Variants in TRAK1 observed in about 807,000 individuals in gnomAD.
The protein encoded by TRAK1 is trafficking kinesin-binding protein 1.
In TRAK1, 33 loss-of-function variants were observed where a neutral mutation model predicts 92.1. The ratio of observed to expected loss-of-function variants is 0.36; its 90% CI spans 0.27 to 0.48. The LOEUF is 0.48. Among genes scored for constraint, TRAK1 ranks in the 20% least tolerant of loss-of-function variants. TRAK1 has a pLI of 0.99. For synonymous variants in TRAK1, 521 were observed against 517.3 expected (o/e 1.01, Z -0.10); for missense variants, 1,123 against 1,257.9 (o/e 0.89, Z 1.62).
upstream of TRAK1, chr3:42,091,163 A>G (rs548115839): frequency 4.8e-4 from 156 of 325,302 alleles, no homozygotes; most frequent in African/African-American, 3.1e-3. Flanking sequence ...CCGAATGCCC[A>G]TCACAAAGCC....
chr3:42,098,495 A>T (rs1201759470), intron 1 of TRAK1, among the ~76,000 whole-genome samples: 1 of 152,098 alleles, frequency 6.6e-6, no homozygotes, highest in Non-Finnish European at 1.5e-5. Context: ...AGAGGTGAGG[A>T]TATCAATAAC....
intron 1 of TRAK1, among the ~76,000 whole-genome samples, chr3:42,057,919 G>C (rs1049889074): frequency 1.3e-5 from 2 of 152,206 alleles, no homozygotes; most frequent in Non-Finnish European, 2.9e-5. Flanking sequence ...CAACTGAAAG[G>C]CGTTTTCATT....
intron 2 of TRAK1, chr3:42,160,396 G>C: frequency 6.2e-7 from 1 of 1,614,234 alleles, no homozygotes; most frequent in South Asian, 1.1e-5. Flanking sequence ...GAAGAAGAAT[G>C]TTTTGAATAC....
intron 1 of TRAK1, among the ~76,000 whole-genome samples, chr3:42,046,596 A>C (rs1041058252): frequency 6.6e-6 from 1 of 152,190 alleles, no homozygotes; most frequent in Non-Finnish European, 1.5e-5. Flanking sequence ...TGACTTTAGT[A>C]TCCCCACTGC....
chr3:42,025,569 A>G (rs1306874973), intron 1 of TRAK1, among the ~76,000 whole-genome samples: 5 of 151,834 alleles, frequency 3.3e-5, no homozygotes, highest in Non-Finnish European at 7.4e-5. Flanking sequence ...GAAAAGAAGA[A>G]TGTGTCTGTT....
chr3:42,157,457 CAAAAAAAAAAAAAAAA>C (rs60622565), intron 2 of TRAK1, among the ~76,000 whole-genome samples: 18 of 31,108 alleles, frequency 5.8e-4, no homozygotes, highest in South Asian at 7.4e-3. Context: ...GACCCTGTCT[CAAAAAAAAAAAAAAAA>C]AAAAAAAAAA....
intron 3 of TRAK1, among the ~76,000 whole-genome samples, chr3:42,180,671 C>G (rs753551541): frequency 2.5e-4 from 30 of 121,876 alleles, no homozygotes; most frequent in Non-Finnish European, 2.8e-4. Flanking sequence ...AGAGTGAGAC[C>G]TGTCTCAAAA....
chr3:42,174,128 G>A (rs1313341517), intron 2 of TRAK1, among the ~76,000 whole-genome samples: 4 of 152,124 alleles, frequency 2.6e-5, no homozygotes, highest in Non-Finnish European at 5.9e-5. Flanking sequence ...CCGGGTCCAA[G>A]CAATTCTCCT....
chr3:42,201,069 A>T lies in TRAK1; in HGVS notation c.1427+15A>T. The stretch of plus-strand genomic sequence containing the variant: ...GCCGACCTGGGGTGAGCAAGCTGGG[A>T]GTTTTCACTTCTCTGTTTTGGGGTG... On this transcript the variant is annotated intron_variant, in intron 12 of 15. Transcript: ENST00000327628. 1 of 1,612,834 alleles carries T rather than the reference A, an allele frequency of 6.2e-7. No individual in the cohort carries two copies. The highest frequency in any genetic ancestry group is 1.1e-5 in the South Asian group (1 of 91,052).
chr3:42,134,578 CTTTTTTTTT>C (rs547455969), intron 2 of TRAK1, among the ~76,000 whole-genome samples: 12 of 76,454 alleles, frequency 1.6e-4, no homozygotes, highest in South Asian at 1.2e-3. Flanking sequence ...TGCCTGGTCT[CTTTTTTTTT>C]TTTTTTTTTT....
At chr3:42,198,767 T>G (rs932229093) in intron 10 of TRAK1, among the ~76,000 whole-genome samples, 2 of 152,074 alleles carry the variant, frequency 1.3e-5, no homozygotes, top group Non-Finnish European at 1.5e-5. Context: ...ATGGGCTCTG[T>G]TGCCATATCT....
intron 1 of TRAK1, among the ~76,000 whole-genome samples, chr3:42,076,041 A>G (rs1274169718): frequency 2.0e-5 from 3 of 151,314 alleles, no homozygotes; most frequent in Non-Finnish European, 4.4e-5. Flanking sequence ...ATGGGGTTTC[A>G]TGATGTTGGC....
At chr3:42,061,938 C>T (rs899103375) in intron 1 of TRAK1, among the ~76,000 whole-genome samples, 1 of 152,182 alleles carries the variant, frequency 6.6e-6, no homozygotes, top group East Asian at 1.9e-4. Flanking sequence ...AGGGAAACCA[C>T]GCCCTTCTAG....
At chr3:42,055,521 G>GGT (rs1046013968) in intron 1 of TRAK1, among the ~76,000 whole-genome samples, 13 of 152,192 alleles carry the variant, frequency 8.5e-5, no homozygotes, top group Admixed American at 6.5e-4. Flanking sequence ...GGAATGCAAT[G>GGT]GTGTGATCAT....
rs1283025188 is a variant in TRAK1 at position 42,224,030 on chromosome 3, A to G, written c.*293A>G. Reference sequence around the variant, plus strand: ...ACGTCACCTGTGCTAACCTGGGGGAAGGTGGGGTCCTTTCTTCTTTCCTTT... The same window carrying G: ...ACGTCACCTGTGCTAACCTGGGGGAGGGTGGGGTCCTTTCTTCTTTCCTTT... On this transcript the variant is annotated 3_prime_UTR_variant, in exon 16 of 16. Transcript: ENST00000327628. 1.7e-6 allele frequency: 1 copy of G among 581,078 alleles called. No individual in the cohort carries two copies. The highest frequency in any genetic ancestry group is 3.2e-6 in the Non-Finnish European group (1 of 308,192). 36.0% of individuals were successfully genotyped at this position (581,078 alleles called of 1,614,324 possible). A position where few individuals can be genotyped will look rare whatever the true frequency, so the allele number is the denominator to read the frequency against.
At chr3:42,032,222 G>C (rs1310104443) in intron 1 of TRAK1, among the ~76,000 whole-genome samples, 7 of 152,182 alleles carry the variant, frequency 4.6e-5, no homozygotes, top group Non-Finnish European at 7.3e-5. Flanking sequence ...AAATCATGCT[G>C]CTTTCTGGTG....
intron 2 of TRAK1, among the ~76,000 whole-genome samples, chr3:42,169,718 A>G (rs1702315256): frequency 6.6e-6 from 1 of 151,884 alleles, no homozygotes; most frequent in Non-Finnish European, 1.5e-5. Flanking sequence ...TACTCTCAGC[A>G]CTGTATCTGG....
intron 10 of TRAK1, among the ~76,000 whole-genome samples, chr3:42,197,285 T>C (rs1706864576): frequency 6.6e-6 from 1 of 152,126 alleles, no homozygotes; most frequent in Admixed American, 6.5e-5. Context: ...CTTCAATGCC[T>C]AAGTCTCTGA....
chr3:42,113,664 C>T (rs1422187934), intron 1 of TRAK1, among the ~76,000 whole-genome samples: 2 of 152,156 alleles, frequency 1.3e-5, no homozygotes, highest in South Asian at 2.1e-4. Context: ...ATCCACCGAC[C>T]TCAGCCTCCC....
Sources: gnomAD v4.1 joint callset for allele counts (sites outside exome capture counted in the v4.1 genomes callset) on GRCh38, gnomAD v4.1.1 for gene constraint, MANE v1.5 for transcripts, NCBI Gene and HGNC (gene_info 2026-07-23, HGNC 2026-07-21) for gene names.